The following KIF13A variants were observed in gnomAD, a reference collection of about 807,000 sequenced individuals.
KIF13A encodes the protein kinesin family member 13A, also known as kinesin-like protein KIF13A.
KIF13A carries 79 observed loss-of-function variants against 212.2 expected under a neutral mutation model. That is an observed-to-expected ratio of 0.37 (90% CI 0.31 to 0.45). The LOEUF (loss-of-function observed/expected upper bound fraction) is 0.45, where lower values mean the gene tolerates loss of function less well. KIF13A is among the 20% of genes least tolerant of loss of function. The probability of loss-of-function intolerance (pLI) is 1.00; values close to 1 mark genes in which losing one functional copy is unlikely to be tolerated. For synonymous variants in KIF13A, 789 were observed against 808.6 expected (o/e 0.98, Z 0.41); for missense variants, 1,901 against 2,209.0 (o/e 0.86, Z 2.79).
At chr6:17,782,633 T>TCAAAA (rs11271505) in intron 29 of KIF13A, among the ~76,000 whole-genome samples, 4,827 of 149,982 alleles carry the variant, frequency 0.032, 121 homozygotes, top group Middle Eastern at 0.069. Context: ...AGACTCTGTC[T>TCAAAA]CAAAACAAAA....
Position 17,805,502 on chromosome 6 carries a change from G to A in KIF13A, c.2277C>T (p.Tyr759=). Residue 759 remains tyrosine (Y), a synonymous_variant, in exon 19 of 39, where the codon TAC becomes TAT. Transcript: ENST00000259711. ...CAGGAACTTTTTCCTTCCATTCTTG[G>A]TAAAGGTCTCTCATGTCAATTAATT... ...ENKLIDMRDL[Y]QEWKEKVPEA... 2.5e-6 allele frequency: 4 copies of A among 1,613,140 alleles called. No homozygotes were observed. The highest frequency in any genetic ancestry group is 3.4e-6 in the Non-Finnish European group (4 of 1,179,712).
Position 17,850,076 on chromosome 6 carries a change from C to T in KIF13A, c.717+247G>A, listed in dbSNP as rs369573887. 6.6e-6 allele frequency among the ~76,000 whole-genome samples: 1 copy of T among 152,162 alleles called. No homozygotes were observed. The highest frequency in any genetic ancestry group is 6.5e-5 in the Admixed American group (1 of 15,274). On this transcript the variant is annotated intron_variant, in intron 8 of 38. Transcript: ENST00000259711. This position sits in a 1 kb window ranked among gnomAD's most constrained non-coding sequence, Gnocchi z 6.2. Reference sequence around the variant, plus strand: ...TTCTGCCCTCAAGCAATCCTCCCGCCTCAGACTCCCAAAATGCTGGAATTA... The same window carrying T: ...TTCTGCCCTCAAGCAATCCTCCCGCTTCAGACTCCCAAAATGCTGGAATTA...
intron 22 of KIF13A, among the ~76,000 whole-genome samples, chr6:17,797,774 T>A (rs951247270): frequency 4.6e-5 from 7 of 152,164 alleles, no homozygotes; most frequent in Non-Finnish European, 1.0e-4. Context: ...GGTGCACACC[T>A]GTAGTCCCAG....
At chr6:17,955,759 G>C (rs1778306394) in intron 2 of KIF13A, among the ~76,000 whole-genome samples, 1 of 152,196 alleles carries the variant, frequency 6.6e-6, no homozygotes. Flanking sequence ...ACTCCTTTCA[G>C]AGTCTCAGGA....
rs1554128614 is a variant in KIF13A at position 17,985,632 on chromosome 6, CGG to C, written c.146+1420_146+1421del. Among the ~76,000 whole-genome samples the C allele has an allele frequency of 7.1e-4, 27 of 38,188 alleles. 1 individual carries two copies. The highest frequency in any genetic ancestry group is 3.1e-3 in the African/African-American group (25 of 8,052). 25.1% of individuals were successfully genotyped at this position (38,188 alleles called of 152,430 possible). On this transcript the variant is annotated intron_variant, in intron 2 of 38. Transcript: ENST00000259711. ...TTTTCCCGAAACAATATGCAGTTTG[CGG>C]GGGGGTGGGGGGAGGGGACATTCGT...
rs1399647941 is a variant in KIF13A, at chr6:17,772,388, A to G, written c.4325-329T>C. On this transcript the variant is annotated intron_variant, in intron 36 of 38. Coordinates refer to ENST00000259711, the MANE Select transcript of KIF13A (RefSeq NM_022113.6). The surrounding 1 kb of genome is among the most constrained non-coding windows in gnomAD (Gnocchi z 4.8). ...GGTGCCACTGCACTCCAGCCCGGGC[A>G]AGAGAGAGAGAGGGAGACCCTGTCT... Among the ~76,000 whole-genome samples, 1 of 151,850 alleles carries G rather than the reference A, an allele frequency of 6.6e-6. No homozygotes were observed. Among genetic ancestry groups the G allele is most frequent in the African/African-American group, 2.4e-5 (1 of 41,396 alleles).
intron 3 of KIF13A, among the ~76,000 whole-genome samples, chr6:17,894,281 G>A (rs1223095775): frequency 2.0e-5 from 3 of 151,596 alleles, no homozygotes; most frequent in Non-Finnish European, 4.4e-5. Context: ...ACAGGCATAC[G>A]CCATCATGCC....
rs766969966 is a variant in KIF13A at position 17,817,010 on chromosome 6, C to T, written c.2000+10G>A. On this transcript the variant is annotated intron_variant, in intron 17 of 38. Coordinates refer to ENST00000259711, the MANE Select transcript of KIF13A (RefSeq NM_022113.6). Reference sequence around the variant, plus strand: ...CCTTGACTCTGGGCTGCCCCCGCTGCAGTTCTTACCTCTCTTCTGCCCACT... The same window carrying T: ...CCTTGACTCTGGGCTGCCCCCGCTGTAGTTCTTACCTCTCTTCTGCCCACT... 1 of 1,605,724 alleles carries T rather than the reference C, an allele frequency of 6.2e-7. No homozygotes were observed. The highest frequency in any genetic ancestry group is 1.1e-5 in the South Asian group (1 of 90,336).
Position 17,984,125 on chromosome 6 carries a change from GGAGA to G in KIF13A, c.146+2925_146+2928del, listed in dbSNP as rs1323702771. On this transcript the variant is annotated intron_variant, in intron 2 of 38. Coordinates refer to ENST00000259711, the MANE Select transcript of KIF13A (RefSeq NM_022113.6). The surrounding 1 kb of genome is among the most constrained non-coding windows in gnomAD (Gnocchi z 5.0). ...CCTTCAAGCAGTTCACAGCCTCCAG[GGAGA>G]GAAAGAGGAAACAGAGAATTTTGAA... Among the ~76,000 whole-genome samples, 1 of 152,114 alleles carries G rather than the reference GGAGA, an allele frequency of 6.6e-6. No homozygotes were observed. The highest frequency in any genetic ancestry group is 1.5e-5 in the Non-Finnish European group (1 of 68,032).
At chr6:17,819,289 C>T (rs1273954705) in intron 16 of KIF13A, among the ~76,000 whole-genome samples, 1 of 152,092 alleles carries the variant, frequency 6.6e-6, no homozygotes, top group African/African-American at 2.4e-5. Context: ...GGGGGCCAGG[C>T]GTGGTGGCTC....
chr6:17,957,316 T>G (rs1316160940), intron 2 of KIF13A, among the ~76,000 whole-genome samples: 2 of 152,160 alleles, frequency 1.3e-5, no homozygotes, highest in African/African-American at 4.8e-5. Context: ...GAAAAAGAAC[T>G]CGTTCACATG....
intron 16 of KIF13A, chr6:17,821,777 G>A (rs1764475864): frequency 1.3e-6 from 2 of 1,535,212 alleles, no homozygotes; most frequent in Non-Finnish European, 1.7e-6. Flanking sequence ...ATGCCAATCA[G>A]TTAAAAACCT....
intron 4 of KIF13A, among the ~76,000 whole-genome samples, chr6:17,866,026 T>C (rs1369400166): frequency 1.3e-5 from 2 of 152,132 alleles, no homozygotes; most frequent in Non-Finnish European, 2.9e-5. Context: ...GTCTCGAGAA[T>C]GAAGAAAGAA....
At chr6:17,969,206 T>C (rs1054518759) in intron 2 of KIF13A, among the ~76,000 whole-genome samples, 8 of 152,362 alleles carry the variant, frequency 5.3e-5, no homozygotes, top group Non-Finnish European at 1.0e-4. Context: ...GAGGGTATGA[T>C]AAGCCATTTG....
At position 17,912,273 on chromosome 6, in the gene KIF13A, A is replaced by G. The variant is rs1774143911; in HGVS notation, c.147-14093T>C. Among the ~76,000 whole-genome samples the G allele has an allele frequency of 6.6e-6, 1 of 152,276 alleles. No individual in the cohort carries two copies. Among genetic ancestry groups the G allele is most frequent in the East Asian group, 1.9e-4 (1 of 5,176 alleles). ...AATTAGAAGTTAAAAAAAAAATACA[A>G]GCTTTCTTTTGCAACTGAGGTACCA... On this transcript the variant is annotated intron_variant, in intron 2 of 38. Transcript: ENST00000259711. The surrounding 1 kb of genome is among the most constrained non-coding windows in gnomAD (Gnocchi z 4.2).
At chr6:17,800,244 C>T (rs901342488) in intron 20 of KIF13A, 131 bp from the exon 21 acceptor site, 25 of 799,310 alleles carry the variant, frequency 3.1e-5, no homozygotes, top group Non-Finnish European at 4.6e-5. Flanking sequence ...TCTTCGGCAA[C>T]GGGAGCCCTG....
At chr6:17,817,462 T>TA (rs1764050409) in intron 16 of KIF13A, among the ~76,000 whole-genome samples, 8 of 152,334 alleles carry the variant, frequency 5.3e-5, no homozygotes, top group Admixed American at 5.2e-4. Flanking sequence ...TCCTCTACGT[T>TA]ACTTTCTTCA....
intron 2 of KIF13A, among the ~76,000 whole-genome samples, chr6:17,974,897 CACATAGGGCT>C (rs1359662715): frequency 2.0e-5 from 3 of 152,202 alleles, no homozygotes; most frequent in African/African-American, 7.2e-5. Flanking sequence ...ATTCAATGAT[CACATAGGGCT>C]ACTGGCTACC....
intron 2 of KIF13A, among the ~76,000 whole-genome samples, chr6:17,933,233 A>G (rs1189593032): frequency 6.6e-6 from 1 of 152,080 alleles, no homozygotes; most frequent in African/African-American, 2.4e-5. Flanking sequence ...AGCACCTATA[A>G]AAGATGTACT....
Sources: gnomAD v4.1 joint callset for allele counts (sites outside exome capture counted in the v4.1 genomes callset) on GRCh38, gnomAD v4.1.1 for gene constraint, Gnocchi (gnomAD v3.1) non-coding constraint, MANE v1.5 for transcripts, NCBI Gene and HGNC (gene_info 2026-07-23, HGNC 2026-07-21) for gene names.